Variants in GOLGA1 observed in about 807,000 individuals in gnomAD.
GOLGA1 encodes golgin A1, also known as golgin subfamily A member 1.
In GOLGA1, 63 loss-of-function variants were observed where a neutral mutation model predicts 119.7. That is an observed-to-expected ratio of 0.53 (90% confidence interval 0.43 to 0.65). The LOEUF (loss-of-function observed/expected upper bound fraction) is 0.65. Ranked by LOEUF, GOLGA1 falls within the 30% of genes least tolerant of loss-of-function variation. The pLI is 0.00. For missense variants in GOLGA1, 798 were observed against 912.8 expected (o/e 0.87, Z 1.62); for synonymous variants, 318 against 333.4 (o/e 0.95, Z 0.50).
At chr9:124,921,615 G>C (rs1483434479) in intron 9 of GOLGA1, 108 bp downstream of exon 9, 1 of 885,512 alleles carries the variant, frequency 1.1e-6, no homozygotes, top group African/African-American at 1.7e-5. Context: ...GCCTTTGCCA[G>C]CACCGGAATC....
intron 10 of GOLGA1, among the ~76,000 whole-genome samples, chr9:124,915,020 C>T (rs562403919): frequency 3.5e-4 from 53 of 152,306 alleles, no homozygotes; most frequent in Non-Finnish European, 5.7e-4. Flanking sequence ...ATGTGGACTA[C>T]GGGAACAGTT....
rs571535747 is a variant in GOLGA1, at chr9:124,914,255, T to C, written c.844-2229A>G. ...GCTCACGCCTGTAATCCCAGCACTT[T>C]GGGAAGCTGAGGTGGGCAGATCACG... On this transcript the variant is annotated intron_variant, in intron 10 of 22. Transcript: ENST00000373555. 6.6e-5 allele frequency among the ~76,000 whole-genome samples: 10 copies of C among 152,256 alleles called. No homozygotes were observed. In the South Asian group the frequency reaches 2.1e-3, roughly 32 times the overall value.
At chr9:124,918,056 T>C (rs1177721244) in intron 10 of GOLGA1, among the ~76,000 whole-genome samples, 3 of 152,132 alleles carry the variant, frequency 2.0e-5, no homozygotes, top group Non-Finnish European at 4.4e-5. Context: ...TTCTCCATGT[T>C]GGTCAAGCTG....
chr9:124,890,282 C>T, intron 16 of GOLGA1, 107 bp downstream of exon 16: 1 of 783,292 alleles, frequency 1.3e-6, no homozygotes, highest in Non-Finnish European at 2.2e-6. Context: ...GAGTCTACTA[C>T]CCTACCCTGG....
chr9:124,924,948 C>T (rs1224006458), intron 7 of GOLGA1, among the ~76,000 whole-genome samples: 7 of 151,888 alleles, frequency 4.6e-5, no homozygotes, highest in East Asian at 1.9e-4. Flanking sequence ...GGTGTGGTGG[C>T]GGGTGCCTGT....
intron 10 of GOLGA1, among the ~76,000 whole-genome samples, chr9:124,920,665 G>C (rs1331479083): frequency 1.3e-5 from 2 of 152,018 alleles, no homozygotes; most frequent in African/African-American, 4.8e-5. Context: ...GCCAGGCACG[G>C]TGGCTCACGC....
chr9:124,895,909 A>C (rs1048535091), intron 15 of GOLGA1, among the ~76,000 whole-genome samples: 2 of 141,758 alleles, frequency 1.4e-5, no homozygotes, highest in African/African-American at 2.8e-5. Flanking sequence ...ACAACAGAGA[A>C]CCATCCACAA....
intron 10 of GOLGA1, among the ~76,000 whole-genome samples, chr9:124,920,718 G>A (rs1029704801): frequency 1.8e-4 from 27 of 151,884 alleles, no homozygotes; most frequent in African/African-American, 3.1e-4. Flanking sequence ...GGTGGATCAC[G>A]AGGTCAGGAG....
chr9:124,909,608 CAAAAAAAA>C (rs58372596), intron 11 of GOLGA1, among the ~76,000 whole-genome samples: 55 of 87,292 alleles, frequency 6.3e-4, no homozygotes, highest in African/African-American at 2.2e-3. Flanking sequence ...GACTCCGTCT[CAAAAAAAA>C]AAAAAAAAAA....
intron 19 of GOLGA1, chr9:124,887,522 G>A (rs145801087): frequency 2.0e-4 from 31 of 151,964 alleles, no homozygotes; most frequent in African/African-American, 7.3e-4. Flanking sequence ...GACCTCATTG[G>A]CTACGATACT....
chr9:124,939,546 C>CTT (rs1830953578), intron 2 of GOLGA1, among the ~76,000 whole-genome samples: 2 of 40,010 alleles, frequency 5.0e-5, no homozygotes, highest in South Asian at 8.8e-4. Context: ...TATTTTCTTT[C>CTT]TTTCTTTTTT....
intron 12 of GOLGA1, among the ~76,000 whole-genome samples, chr9:124,901,643 G>A (rs1417798096): frequency 1.3e-5 from 2 of 152,000 alleles, no homozygotes; most frequent in Non-Finnish European, 2.9e-5. Context: ...CACCATGTTA[G>A]CCAGGATGGT....
Position 124,898,608 on chromosome 9 carries a change from A to G in GOLGA1, c.1348T>C (p.Cys450Arg), listed in dbSNP as rs752456029. 2 of 1,611,972 alleles carry G rather than the reference A, an allele frequency of 1.2e-6. No homozygotes were observed. The highest frequency in any genetic ancestry group is 4.5e-5 in the East Asian group (2 of 44,872). Reference protein sequence around the residue: ...LEQENAALKECRNEYERSLQN... With the variant: ...LEQENAALKERRNEYERSLQN... The stretch of plus-strand genomic sequence containing the variant: ...AAAGAACGTTCATATTCATTCCTGC[A>G]TTCTTTAAGGGCTGCATTTTCTTGC... The change falls in exon 15 of 23, where the codon TGC (cysteine) becomes CGC (arginine). Residue 450 changes from cysteine (C) to arginine (R), a missense_variant. Transcript: ENST00000373555.
intron 19 of GOLGA1, among the ~76,000 whole-genome samples, chr9:124,885,911 G>A (rs1829710528): frequency 6.6e-6 from 1 of 152,228 alleles, no homozygotes; most frequent in South Asian, 2.1e-4. Context: ...TTCCAGAGAA[G>A]AGACAATGGT....
chr9:124,879,323 C>T lies in GOLGA1; in HGVS notation c.*1207G>A, dbSNP rs1436220335. The T allele has an allele frequency of 1.3e-5, 2 of 152,046 alleles. No homozygotes were observed. Among genetic ancestry groups the T allele is most frequent in the Non-Finnish European group, 1.5e-5 (1 of 68,018 alleles). 9.4% of individuals were successfully genotyped at this position (152,046 alleles called of 1,614,324 possible). A position where few individuals can be genotyped will look rare whatever the true frequency, so the allele number is the denominator to read the frequency against. On this transcript the variant is annotated 3_prime_UTR_variant, in exon 23 of 23. Transcript: ENST00000373555. ...CAGCATGTTCCCTTTCCTCAGTAAA[C>T]GAGGAATCCATAAAACAAGTTTTTG... is the stretch of plus-strand genomic sequence containing the variant.
intron 1 of GOLGA1, among the ~76,000 whole-genome samples, chr9:124,940,368 G>C (rs1007592711): frequency 6.6e-6 from 1 of 152,152 alleles, no homozygotes; most frequent in African/African-American, 2.4e-5. Flanking sequence ...TCACTTACAA[G>C]CGCATAGAAC....
chr9:124,935,754 C>A (rs1365752023), intron 3 of GOLGA1, among the ~76,000 whole-genome samples: 1 of 126,756 alleles, frequency 7.9e-6, no homozygotes, highest in Non-Finnish European at 1.6e-5. Context: ...CACAGCAAGA[C>A]TCTGTCTCCA....
At chr9:124,883,588 C>T (rs1038888273) in intron 19 of GOLGA1, among the ~76,000 whole-genome samples, 2 of 152,234 alleles carry the variant, frequency 1.3e-5, no homozygotes, top group Non-Finnish European at 2.9e-5. Context: ...GCTGGGATTA[C>T]TGGTTCCCAC....
chr9:124,912,083 G>A (rs541653305), intron 10 of GOLGA1, 57 bp from the exon 11 acceptor site: 5 of 1,532,372 alleles, frequency 3.3e-6, no homozygotes, highest in Non-Finnish European at 4.5e-6. Context: ...CTTCCTTCCT[G>A]CTTTCTTTTG....
Sources: allele counts gnomAD v4.1 joint callset (sites outside exome capture counted in the v4.1 genomes callset), GRCh38; gene constraint gnomAD v4.1.1; transcripts MANE v1.5; gene names NCBI Gene and HGNC (gene_info 2026-07-23, HGNC 2026-07-21).